DNAI1: variants seen among roughly 807,000 people sequenced by gnomAD.
DNAI1 encodes the protein dynein, axonemal, intermediate polypeptide 1.
Under a neutral mutation model 92.0 loss-of-function variants are expected in DNAI1, and 67 were observed. The observed-to-expected ratio is 0.73, with a 90% CI of 0.60 to 0.89. The LOEUF is 0.89. Among genes scored for constraint, DNAI1 ranks in the 40% least tolerant of loss-of-function variants. The pLI is 0.00. For missense variants in DNAI1, 839 were observed against 866.6 expected (o/e 0.97, Z 0.40); for synonymous variants, 323 against 319.6 (o/e 1.01, Z -0.11).
chr9:34,486,635 T>G (rs988502857), intron 4 of DNAI1, among the ~76,000 whole-genome samples: 3 of 152,192 alleles, frequency 2.0e-5, no homozygotes, highest in Non-Finnish European at 4.4e-5. Context: ...GAGATTTAAT[T>G]CATATACTAT....
chr9:34,503,042 G>A (rs575563463), intron 12 of DNAI1, among the ~76,000 whole-genome samples: 8 of 152,276 alleles, frequency 5.3e-5, no homozygotes, highest in East Asian at 3.9e-4. Flanking sequence ...CAGGGAGCCC[G>A]AGCAGAGAAG....
intron 12 of DNAI1, among the ~76,000 whole-genome samples, chr9:34,502,275 C>G (rs146363964): frequency 6.6e-6 from 1 of 152,308 alleles, no homozygotes; most frequent in African/African-American, 2.4e-5. Context: ...TTTGTGTCCC[C>G]ACTCCTGAGG....
At chr9:34,515,999 GAAAA>G (rs1825164861) in intron 18 of DNAI1, among the ~76,000 whole-genome samples, 1 of 152,040 alleles carries the variant, frequency 6.6e-6, no homozygotes, top group African/African-American at 2.4e-5. Context: ...AAGAAAAAAA[GAAAA>G]AGAAAAAATA....
At chr9:34,468,500 GTTTT>G (rs1824081054) in intron 1 of DNAI1, among the ~76,000 whole-genome samples, 1 of 118,070 alleles carries the variant, frequency 8.5e-6, no homozygotes, top group Non-Finnish European at 2.2e-5. Flanking sequence ...AGAAGGTTTT[GTTTT>G]GTTTTGTTTT....
At position 34,514,631 on chromosome 9, in the gene DNAI1, C is replaced by T. The variant is rs974583244; in HGVS notation, c.1719-9C>T. ...TGTGCCATGGGCTTTCCACCCTCCA[C>T]CTCTGCAGGACCCCGATGTTCATCT... On this transcript the variant is annotated splice_polypyrimidine_tract_variant and intron_variant, in intron 17 of 19. Transcript: ENST00000242317. 4.3e-6 allele frequency: 7 copies of T among 1,614,118 alleles called. No homozygotes were observed. Among genetic ancestry groups the T allele is most frequent in the African/African-American group, 4.0e-5 (3 of 74,940 alleles).
chr9:34,487,430 C>CCG (rs1425462852), intron 4 of DNAI1, among the ~76,000 whole-genome samples: 2 of 152,062 alleles, frequency 1.3e-5, no homozygotes, highest in Non-Finnish European at 2.9e-5. Context: ...CATGATCTGC[C>CCG]CGCCTCAGCC....
At chr9:34,502,107 AG>A (rs1379127018) in intron 12 of DNAI1, among the ~76,000 whole-genome samples, 2 of 152,160 alleles carry the variant, frequency 1.3e-5, no homozygotes, top group Admixed American at 6.5e-5. Flanking sequence ...CAGGCATACA[AG>A]CTCCCAGTCA....
intron 1 of DNAI1, among the ~76,000 whole-genome samples, chr9:34,482,802 C>T (rs903738003): frequency 3.3e-5 from 5 of 152,240 alleles, no homozygotes; most frequent in Admixed American, 6.5e-5. Flanking sequence ...GACTGGGCGC[C>T]GTGGAGCAGA....
At position 34,501,173 on chromosome 9, in the gene DNAI1, A is replaced by G. The variant is rs780094953; in HGVS notation, c.1055A>G (p.Tyr352Cys). Reference sequence around the variant, plus strand: ...TACAGGGATCTGTTTGCAGTGGGATATGGCTCTTGTAAGTGATCTGACTAT... The same window carrying G: ...TACAGGGATCTGTTTGCAGTGGGATGTGGCTCTTGTAAGTGATCTGACTAT... ...PKYRDLFAVG[Y>C]GSYDFMKQSR... Residue 352 changes from tyrosine (Y) to cysteine (C), a missense_variant, in exon 12 of 20, where the codon TAT becomes TGT. Physicochemically the swap from Tyr to Cys is radical, Grantham distance 194. Coordinates refer to ENST00000242317, the MANE Select transcript of DNAI1 (RefSeq NM_012144.4). 3 of 1,613,150 alleles carry G rather than the reference A, an allele frequency of 1.9e-6. No individual in the cohort carries two copies. Among genetic ancestry groups the G allele is most frequent in the South Asian group, 1.1e-5 (1 of 91,068 alleles).
chr9:34,506,182 C>T (rs1035317729), intron 12 of DNAI1, among the ~76,000 whole-genome samples: 1 of 152,044 alleles, frequency 6.6e-6, no homozygotes, highest in Non-Finnish European at 1.5e-5. Context: ...GTAGACAATT[C>T]GATGTTAGTT....
chr9:34,500,876 A>T (rs775397706), intron 11 of DNAI1, 37 bp downstream of exon 11: 1 of 1,535,836 alleles, frequency 6.5e-7, no homozygotes, highest in Admixed American at 1.7e-5. Flanking sequence ...AGAGCCCCTG[A>T]GTGCCCTCTA....
chr9:34,515,390 C>G (rs1031256022), intron 18 of DNAI1, among the ~76,000 whole-genome samples: 1 of 152,192 alleles, frequency 6.6e-6, no homozygotes. Flanking sequence ...AACGATGGTG[C>G]CCAGCTCTAG....
intron 11 of DNAI1, 119 bp downstream of exon 11, chr9:34,500,958 A>G: frequency 2.0e-6 from 2 of 1,024,504 alleles, no homozygotes; most frequent in South Asian, 2.5e-5. Context: ...ATAGAAAAAT[A>G]TGGAACTTGG....
chr9:34,468,167 A>T (rs1010754229), intron 1 of DNAI1, among the ~76,000 whole-genome samples: 1 of 151,140 alleles, frequency 6.6e-6, no homozygotes, highest in Non-Finnish European at 1.5e-5. Context: ...ATTTAATCTG[A>T]AGAACAGAGA....
intron 10 of DNAI1, among the ~76,000 whole-genome samples, chr9:34,500,265 G>A (rs1180344946): frequency 6.6e-6 from 1 of 152,102 alleles, no homozygotes; most frequent in Non-Finnish European, 1.5e-5. Flanking sequence ...AGGGAGACTT[G>A]GCTGTGGATA....
intron 12 of DNAI1, among the ~76,000 whole-genome samples, chr9:34,502,462 C>T (rs1824849870): frequency 6.6e-6 from 1 of 152,136 alleles, no homozygotes; most frequent in Admixed American, 6.5e-5. Context: ...GCTCTCTGCC[C>T]AGGTCTGAAG....
At chr9:34,513,276 T>A in intron 16 of DNAI1, 85 bp downstream of exon 16, 1 of 1,082,456 alleles carries the variant, frequency 9.2e-7, no homozygotes, top group Admixed American at 1.7e-5. Context: ...GATCCTATTT[T>A]GATGGATTTT....
intron 13 of DNAI1, among the ~76,000 whole-genome samples, chr9:34,511,741 G>A (rs1223558810): frequency 6.6e-6 from 1 of 152,080 alleles, no homozygotes; most frequent in African/African-American, 2.4e-5. Flanking sequence ...GTTCTTTCCA[G>A]GCCATGTTTA....
In DNAI1 at chr9:34,514,697, A is replaced by G; in HGVS notation, c.1776A>G (p.Pro592=). The stretch of plus-strand genomic sequence containing the variant: ...CCGTGGGTGATGTGGCCTGGGCGCC[A>G]TACTCTTCTACTGTGTTCGCAGCAG... The part of the protein sequence containing the change: ...NSAVGDVAWA[P]YSSTVFAAVT... The change falls in exon 18 of 20, where the codon CCA becomes CCG. Residue 592 remains proline (P), a synonymous_variant. Coordinates refer to ENST00000242317, the MANE Select transcript of DNAI1 (RefSeq NM_012144.4). 6.2e-7 allele frequency: 1 copy of G among 1,614,134 alleles called. No homozygotes were observed. Among genetic ancestry groups the G allele is most frequent in the South Asian group, 1.1e-5 (1 of 91,082 alleles).
Sources: allele counts gnomAD v4.1 joint callset (sites outside exome capture counted in the v4.1 genomes callset), GRCh38; gene constraint gnomAD v4.1.1; transcripts MANE v1.5; gene names NCBI Gene and HGNC (gene_info 2026-07-23, HGNC 2026-07-21).